Variants in HACD3 observed in about 807,000 individuals in gnomAD.
HACD3 encodes the protein 3-hydroxyacyl-CoA dehydratase 3, also known as very-long-chain (3R)-3-hydroxyacyl-CoA dehydratase 3.
Under a neutral mutation model 55.2 loss-of-function variants are expected in HACD3, and 30 were observed. The ratio of observed to expected loss-of-function variants is 0.54; its 90% confidence interval spans 0.41 to 0.74. The LOEUF (loss-of-function observed/expected upper bound fraction) is 0.74. HACD3 is among the 30% of genes least tolerant of loss of function. The pLI is 0.00. For missense variants in HACD3, 363 were observed against 440.1 expected (o/e 0.82, Z 1.57); for synonymous variants, 141 against 151.7 (o/e 0.93, Z 0.52).
intron 3 of HACD3, 30 bp downstream of exon 3, chr15:65,554,990 C>G: frequency 6.6e-7 from 1 of 1,525,756 alleles, no homozygotes. Flanking sequence ...ACTTCCCTTC[C>G]CATTTTAGGA....
Position 65,576,450 on chromosome 15 carries a change from C to T in HACD3, c.*71C>T, listed in dbSNP as rs1207425990. 6.8e-7 allele frequency: 1 copy of T among 1,463,078 alleles called. No individual in the cohort carries two copies. Among genetic ancestry groups the T allele is most frequent in the Non-Finnish European group, 9.2e-7 (1 of 1,092,164 alleles). The allele number at this position is 1,463,078 out of a possible 1,614,324, so 90.6% of individuals were successfully genotyped here. ...TTCTTACAGTTTTACCTTCTTGAAC[C>T]AATGTAAAAGTTTTTTTAATGTTAA... On this transcript the variant is annotated 3_prime_UTR_variant, in exon 11 of 11. Transcript: ENST00000261875.
At chr15:65,530,997 C>T (rs368941731) in intron 1 of HACD3, among the ~76,000 whole-genome samples, 1 of 152,222 alleles carries the variant, frequency 6.6e-6, no homozygotes, top group East Asian at 1.9e-4. Context: ...TGTTCGCAGT[C>T]GGCGGCCTTC....
At chr15:65,560,785 GAGT>G (rs1471478445) in intron 5 of HACD3, among the ~76,000 whole-genome samples, 5 of 139,480 alleles carry the variant, frequency 3.6e-5, no homozygotes, top group South Asian at 4.8e-4. Context: ...CCTGGGAACA[GAGT>G]GAGACCCTAT....
chr15:65,537,953 AAAAAAATATATATATATATATATATATAT>A lies in HACD3; in HGVS notation c.87+7237_87+7265del, dbSNP rs1395941907. 1.2e-3 allele frequency among the ~76,000 whole-genome samples: 17 copies of A among 13,912 alleles called. 1 individual carries two copies. The highest frequency in any genetic ancestry group is 0.011 in the East Asian group (1 of 92). 9.1% of individuals were successfully genotyped at this position (13,912 alleles called of 152,430 possible). On this transcript the variant is annotated intron_variant, in intron 1 of 10. Transcript: ENST00000261875. ...TTCTCAGAAAAAAAAAAAAAAAAAA[AAAAAAATATATATATATATATATATATAT>A]ATATATATATATATATATGTATATT... is the stretch of plus-strand genomic sequence containing the variant.
chr15:65,558,794 A>G, intron 5 of HACD3, 63 bp downstream of exon 5: 1 of 1,519,768 alleles, frequency 6.6e-7, no homozygotes, highest in Non-Finnish European at 9.0e-7. Context: ...AAGTATGGAT[A>G]ATTGTGATGT....
chr15:65,556,834 A>T lies in HACD3; in HGVS notation c.300A>T (p.Pro100=). The change falls in exon 4 of 11, where the codon CCA becomes CCT. Residue 100 remains proline (P), a synonymous_variant. Coordinates refer to ENST00000261875, the MANE Select transcript of HACD3 (RefSeq NM_016395.4). ...WERLTKQEKR[P]LFLAPDFDRW... Reference sequence around the variant, plus strand: ...GACTCACAAAGCAGGAAAAGCGACCACTGTTTTTGGCTCCTGACTTTGATC... The same window carrying T: ...GACTCACAAAGCAGGAAAAGCGACCTCTGTTTTTGGCTCCTGACTTTGATC... 1 of 1,613,014 alleles carries T rather than the reference A, an allele frequency of 6.2e-7. No individual in the cohort carries two copies.
At chr15:65,555,601 G>A (rs188937139) in intron 3 of HACD3, among the ~76,000 whole-genome samples, 1 of 152,190 alleles carries the variant, frequency 6.6e-6, no homozygotes, top group Non-Finnish European at 1.5e-5. Context: ...GTTGTTTTGA[G>A]AAAGCATGAA....
At chr15:65,544,379 A>T (rs1221741308) in intron 1 of HACD3, among the ~76,000 whole-genome samples, 1 of 152,198 alleles carries the variant, frequency 6.6e-6, no homozygotes, top group South Asian at 2.1e-4. Flanking sequence ...ACAGACGCAC[A>T]TGCACATACC....
At position 65,564,458 on chromosome 15, in the gene HACD3, T is replaced by TC; in HGVS notation, c.660+116_660+117insC. 6.1e-6 allele frequency: 8 copies of TC among 1,311,366 alleles called. No homozygotes were observed. In the South Asian group the frequency reaches 9.4e-5, roughly 15 times the overall value. The allele number at this position is 1,311,366 out of a possible 1,614,324, so 81.2% of individuals were successfully genotyped here. A position where few individuals can be genotyped will look rare whatever the true frequency, so the allele number is the denominator to read the frequency against. On this transcript the variant is annotated intron_variant, in intron 7 of 10. Coordinates refer to ENST00000261875, the MANE Select transcript of HACD3 (RefSeq NM_016395.4). ...TAAAGACATACCTGAGACTGGGCAG[T>TC]TTACAAAAGAAAGAGGTTTAATTGG...
In HACD3 at chr15:65,577,791, C is replaced by T. The variant is rs188500812; in HGVS notation, c.*1412C>T. 2 of 152,546 alleles carry T rather than the reference C, an allele frequency of 1.3e-5. No individual in the cohort carries two copies. The highest frequency in any genetic ancestry group is 2.9e-5 in the Non-Finnish European group (2 of 68,016). 9.4% of individuals were successfully genotyped at this position (152,546 alleles called of 1,614,324 possible). On this transcript the variant is annotated 3_prime_UTR_variant, in exon 11 of 11. Coordinates refer to ENST00000261875, the MANE Select transcript of HACD3 (RefSeq NM_016395.4). ...AGGACACTGAAAACAGCAAGAACTT[C>T]GGGGTGAACACCCGCTGATCCTTTA...
chr15:65,553,630 T>C (rs1474958413), intron 2 of HACD3, among the ~76,000 whole-genome samples: 1 of 152,188 alleles, frequency 6.6e-6, no homozygotes, highest in East Asian at 1.9e-4. Flanking sequence ...CAGCTCAGGT[T>C]TTTTGGGAAT....
intron 1 of HACD3, among the ~76,000 whole-genome samples, chr15:65,537,952 AAAAAAAATATATATATATATATAT>A (rs1483567249): frequency 0.31 from 7,057 of 22,988 alleles, 522 homozygotes; most frequent in Non-Finnish European, 0.43. Flanking sequence ...AAAAAAAAAA[AAAAAAAATATATATATATATATAT>A]ATATATATAT....
intron 3 of HACD3, among the ~76,000 whole-genome samples, chr15:65,555,351 G>C (rs1032544616): frequency 1.1e-4 from 17 of 152,166 alleles, no homozygotes; most frequent in Non-Finnish European, 2.1e-4. Context: ...CCCCACCAGG[G>C]GTTACTTTCA....
chr15:65,542,974 T>G (rs759493976), intron 1 of HACD3, among the ~76,000 whole-genome samples: 1 of 150,300 alleles, frequency 6.7e-6, no homozygotes, highest in African/African-American at 2.5e-5. Flanking sequence ...CTCAGGAGGC[T>G]GAGGCAGGAG....
intron 1 of HACD3, among the ~76,000 whole-genome samples, chr15:65,537,851 A>G (rs1036242312): frequency 6.8e-6 from 1 of 146,538 alleles, no homozygotes; most frequent in Non-Finnish European, 1.5e-5. Flanking sequence ...TGTAAGTGGA[A>G]CAACGACTCC....
At chr15:65,541,818 A>G (rs552606008) in intron 1 of HACD3, among the ~76,000 whole-genome samples, 2 of 152,358 alleles carry the variant, frequency 1.3e-5, no homozygotes, top group South Asian at 2.1e-4. Flanking sequence ...ATACAGCTAT[A>G]ACAAGAAAGA....
In HACD3 at chr15:65,549,905, G is replaced by A. The variant is rs190703353; in HGVS notation, c.88-1771G>A. On this transcript the variant is annotated intron_variant, in intron 1 of 10. Transcript: ENST00000261875. ...TGAGAACCCTCAAGCCATGCATTTA[G>A]TTTAAAGTGGCCTCAACTGGTAGGA... Among the ~76,000 whole-genome samples, 7 of 152,336 alleles carry A rather than the reference G, an allele frequency of 4.6e-5. No individual in the cohort carries two copies. In the East Asian group the frequency reaches 1.3e-3, roughly 29 times the overall value.
At chr15:65,541,665 T>G (rs1039392899) in intron 1 of HACD3, among the ~76,000 whole-genome samples, 3 of 152,222 alleles carry the variant, frequency 2.0e-5, no homozygotes, top group South Asian at 2.1e-4. Context: ...TTAGACAAAT[T>G]TATGCAATGG....
At chr15:65,533,481 A>G (rs566894946) in intron 1 of HACD3, among the ~76,000 whole-genome samples, 3 of 152,340 alleles carry the variant, frequency 2.0e-5, no homozygotes, top group African/African-American at 7.2e-5. Context: ...CGTGAGTGGC[A>G]TAGCCACTAT....
Sources: gnomAD v4.1 joint callset for allele counts (sites outside exome capture counted in the v4.1 genomes callset) on GRCh38, gnomAD v4.1.1 for gene constraint, MANE v1.5 for transcripts, NCBI Gene and HGNC (gene_info 2026-07-23, HGNC 2026-07-21) for gene names.